CDK17: variants seen among roughly 807,000 people sequenced by gnomAD.
CDK17 encodes the protein cyclin dependent kinase 17, also known as cyclin-dependent kinase 17.
CDK17 carries 24 observed loss-of-function variants against 77.6 expected under a neutral mutation model. The observed-to-expected ratio is 0.31, with a 90% confidence interval of 0.22 to 0.44. The LOEUF (loss-of-function observed/expected upper bound fraction) is 0.44. Ranked by LOEUF, CDK17 falls within the 20% of genes least tolerant of loss-of-function variation. The probability of loss-of-function intolerance (pLI) is 1.00; values close to 1 mark genes in which losing one functional copy is unlikely to be tolerated. For synonymous variants in CDK17, 203 were observed against 210.4 expected, an observed-to-expected ratio of 0.96 and a Z score of 0.30; for missense variants, 429 against 622.5, an observed-to-expected ratio of 0.69 and a Z score of 3.31.
chr12:96,377,683 T>G (rs1047435410), intron 1 of CDK17, among the ~76,000 whole-genome samples: 2 of 126,658 alleles, frequency 1.6e-5, no homozygotes, highest in South Asian at 2.8e-4. Context: ...ACAGAAGCAG[T>G]TTTTTTTTTT....
chr12:96,286,628 G>A (rs1304152186), intron 12 of CDK17, 36 bp downstream of exon 12: 2 of 1,431,928 alleles, frequency 1.4e-6, no homozygotes, highest in Admixed American at 3.4e-5. Flanking sequence ...GTCAATTATG[G>A]GTGCAAAATC....
intron 1 of CDK17, among the ~76,000 whole-genome samples, chr12:96,354,885 T>A (rs951509253): frequency 6.6e-6 from 1 of 151,966 alleles, no homozygotes; most frequent in Non-Finnish European, 1.5e-5. Context: ...CCCCAACTCT[T>A]AAGAAAAAAA....
intron 1 of CDK17, among the ~76,000 whole-genome samples, chr12:96,388,089 G>C (rs1243995503): frequency 6.6e-6 from 1 of 152,008 alleles, no homozygotes; most frequent in African/African-American, 2.4e-5. Flanking sequence ...GGGCAACATA[G>C]TGACATCTCA....
intron 1 of CDK17, among the ~76,000 whole-genome samples, chr12:96,380,398 A>T (rs1953861094): frequency 6.6e-6 from 1 of 150,862 alleles, no homozygotes; most frequent in African/African-American, 2.4e-5. Flanking sequence ...TCTCTGCCTC[A>T]GCCTCCCGAG....
At position 96,298,892 on chromosome 12, in the gene CDK17, G is replaced by T; in HGVS notation, c.692C>A (p.Ala231Glu). ...ACCTTCTCTTATAGCTGTGCAGGGT[G>T]CACCTTCTTCATGTTCCAATCGGAT... is the stretch of plus-strand genomic sequence containing the variant. ...KEIRLEHEEG[A>E]PCTAIREVSL... Residue 231 changes from alanine (A) to glutamate (E), a missense_variant, in exon 7 of 17, where the codon GCA (alanine) becomes GAA (glutamate). Physicochemically the swap from Ala to Glu is moderately radical, Grantham distance 107. Coordinates refer to ENST00000261211, the MANE Select transcript of CDK17 (RefSeq NM_002595.5). The T allele has an allele frequency of 6.3e-7, 1 of 1,598,354 alleles. No individual in the cohort carries two copies. The highest frequency in any genetic ancestry group is 8.6e-7 in the Non-Finnish European group (1 of 1,166,590).
intron 1 of CDK17, chr12:96,399,279 T>C (rs1047870969): frequency 2.6e-5 from 4 of 152,546 alleles, no homozygotes; most frequent in Non-Finnish European, 4.4e-5. Flanking sequence ...GAGACAGCAC[T>C]AGGCACCCTC....
intron 1 of CDK17, among the ~76,000 whole-genome samples, chr12:96,345,250 C>T (rs549212826): frequency 1.3e-5 from 2 of 152,182 alleles, no homozygotes; most frequent in Non-Finnish European, 2.9e-5. Context: ...TGGGTTGATT[C>T]CATGTCTTTG....
chr12:96,299,065 T>A, intron 6 of CDK17, 82 bp from the exon 7 acceptor site: 1 of 648,140 alleles, frequency 1.5e-6, no homozygotes, highest in East Asian at 2.8e-5. Flanking sequence ...GAGCTCTACC[T>A]GAATTTCTAG....
In CDK17 at chr12:96,279,544, T is replaced by G. The variant is rs1952146421; in HGVS notation, c.*698A>C. 1 of 152,168 alleles carries G rather than the reference T, an allele frequency of 6.6e-6. No individual in the cohort carries two copies. Among genetic ancestry groups the G allele is most frequent in the Admixed American group, 6.5e-5 (1 of 15,286 alleles). 9.4% of individuals were successfully genotyped at this position (152,168 alleles called of 1,614,324 possible). On this transcript the variant is annotated 3_prime_UTR_variant, in exon 17 of 17. Transcript: ENST00000261211. ...AAGTGAGGAACACATAAAAAATAAATAATTTTGGAGCTTTAATTTGTTGGT... is the reference window on the plus strand; with the variant it reads ...AAGTGAGGAACACATAAAAAATAAAGAATTTTGGAGCTTTAATTTGTTGGT...
intron 1 of CDK17, among the ~76,000 whole-genome samples, chr12:96,344,716 C>T (rs1404543978): frequency 2.0e-5 from 3 of 152,044 alleles, no homozygotes; most frequent in Non-Finnish European, 4.4e-5. Flanking sequence ...AATGAAAGGA[C>T]GTAAGACATA....
Position 96,400,345 on chromosome 12 carries a change from G to A in CDK17, c.-389C>T, listed in dbSNP as rs1246435278. 6 of 386,962 alleles carry A rather than the reference G, an allele frequency of 1.6e-5. No homozygotes were observed. The Admixed American group carries it at 2.2e-4, about 14-fold the overall frequency. The allele number at this position is 386,962 out of a possible 1,614,324, so 24.0% of individuals were successfully genotyped here. A position where few individuals can be genotyped will look rare whatever the true frequency, so the allele number is the denominator to read the frequency against. The stretch of plus-strand genomic sequence containing the variant: ...GGCCGGGCGCTGGCTCCTTCTCCGC[G>A]GCTCTGCGGCGGCCCGCGGGGAGCT... On this transcript the variant is annotated 5_prime_UTR_variant, in exon 1 of 17. Coordinates refer to ENST00000261211, the MANE Select transcript of CDK17 (RefSeq NM_002595.5).
At chr12:96,357,626 C>T (rs958842509) in intron 1 of CDK17, among the ~76,000 whole-genome samples, 2 of 152,112 alleles carry the variant, frequency 1.3e-5, no homozygotes, top group Non-Finnish European at 2.9e-5. Flanking sequence ...ATTACCCTAC[C>T]TAGCCATTTG....
chr12:96,285,619 A>C (rs1489862754), intron 13 of CDK17: 2 of 152,532 alleles, frequency 1.3e-5, no homozygotes, highest in Non-Finnish European at 2.9e-5. Context: ...TGACATTTAG[A>C]TGTTACATTT....
chr12:96,313,692 T>A (rs2137108643), intron 3 of CDK17, among the ~76,000 whole-genome samples: 1 of 152,310 alleles, frequency 6.6e-6, no homozygotes, highest in South Asian at 2.1e-4. Flanking sequence ...CAAGTTATTA[T>A]CAAGGGTTGA....
In CDK17 at chr12:96,279,065, C is replaced by T. The variant is rs1032280074; in HGVS notation, c.*1177G>A. 1 of 152,536 alleles carries T rather than the reference C, an allele frequency of 6.6e-6. No individual in the cohort carries two copies. Among genetic ancestry groups the T allele is most frequent in the African/African-American group, 2.4e-5 (1 of 41,434 alleles). 9.4% of individuals were successfully genotyped at this position (152,536 alleles called of 1,614,324 possible). A position where few individuals can be genotyped will look rare whatever the true frequency, so the allele number is the denominator to read the frequency against. ...ATTAAGATTTATAGTTTGTAAGATG[C>T]ACTAAACAAATAGTCCTTAAAAGTG... On this transcript the variant is annotated 3_prime_UTR_variant, in exon 17 of 17. Coordinates refer to ENST00000261211, the MANE Select transcript of CDK17 (RefSeq NM_002595.5).
chr12:96,287,318 G>A (rs1255329477), intron 11 of CDK17, among the ~76,000 whole-genome samples: 3 of 152,092 alleles, frequency 2.0e-5, no homozygotes, highest in Non-Finnish European at 2.9e-5. Flanking sequence ...GTGGTTCAGA[G>A]AATAGAATGG....
intron 1 of CDK17, among the ~76,000 whole-genome samples, chr12:96,384,838 C>T (rs1953946549): frequency 6.6e-6 from 1 of 151,388 alleles, no homozygotes; most frequent in South Asian, 2.1e-4. Context: ...CAACATAGAC[C>T]TTGTATCTAC....
chr12:96,387,039 T>C, intron 1 of CDK17: 2 of 330,196 alleles, frequency 6.1e-6, no homozygotes, highest in Admixed American at 7.8e-5. Context: ...TGTTTCCAAC[T>C]GTACAGGTTC....
At chr12:96,302,661 A>G (rs1455586125) in intron 5 of CDK17, among the ~76,000 whole-genome samples, 1 of 152,174 alleles carries the variant, frequency 6.6e-6, no homozygotes, top group African/African-American at 2.4e-5. Flanking sequence ...TCTCAGGAGT[A>G]GAGAAATTTT....
Sources: gnomAD v4.1 joint callset for allele counts (sites outside exome capture counted in the v4.1 genomes callset) on GRCh38, gnomAD v4.1.1 for gene constraint, MANE v1.5 for transcripts, NCBI Gene and HGNC (gene_info 2026-07-23, HGNC 2026-07-21) for gene names.